Variants in GRIN2A observed in about 807,000 individuals in gnomAD.
GRIN2A encodes the protein glutamate ionotropic receptor NMDA type subunit 2A.
Under a neutral mutation model 113.4 loss-of-function variants are expected in GRIN2A, and 22 were observed. The ratio of observed to expected loss-of-function variants is 0.19; its 90% CI spans 0.14 to 0.28. GRIN2A has a LOEUF of 0.28. GRIN2A is among the 10% of genes least tolerant of loss of function. The pLI, the probability that GRIN2A is intolerant of heterozygous loss-of-function variation, is 1.00. For missense variants in GRIN2A, 1,502 were observed against 1,887.0 expected (o/e 0.80, Z 3.78); for synonymous variants, 827 against 738.4 (o/e 1.12, Z -1.94).
intron 2 of GRIN2A, among the ~76,000 whole-genome samples, chr16:10,002,249 G>A (rs1234355377): frequency 1.3e-5 from 2 of 152,326 alleles, no homozygotes; most frequent in Non-Finnish European, 2.9e-5. Context: ...TGCAAATGGT[G>A]AACTGATAGT....
At chr16:9,796,724 C>G (rs1035753791) in intron 11 of GRIN2A, among the ~76,000 whole-genome samples, 4 of 152,196 alleles carry the variant, frequency 2.6e-5, no homozygotes, top group Admixed American at 2.0e-4. Context: ...GAGACCACAC[C>G]ACTGATTCGT....
rs567142914 is a variant in GRIN2A, at chr16:10,037,768, G to A, written c.415-99217C>T. Among the ~76,000 whole-genome samples, 23 of 152,160 alleles carry A rather than the reference G, an allele frequency of 1.5e-4. No homozygotes were observed. The South Asian group carries it at 3.7e-3, about 25-fold the overall frequency. On this transcript the variant is annotated intron_variant, in intron 2 of 12. Coordinates refer to ENST00000330684, the MANE Select transcript of GRIN2A (RefSeq NM_001134407.3). ...AGCCTCCTGAGTATCTGAGACAGGC[G>A]CATGCCACCACACCCAGCTAATTTT...
chr16:10,064,243 C>T (rs2047605202), intron 2 of GRIN2A, among the ~76,000 whole-genome samples: 1 of 152,090 alleles, frequency 6.6e-6, no homozygotes. Context: ...CAAAACTAGC[C>T]ACAGCAACAT....
At chr16:10,178,492 G>C (rs2050194670) in intron 2 of GRIN2A, among the ~76,000 whole-genome samples, 1 of 152,154 alleles carries the variant, frequency 6.6e-6, no homozygotes, top group South Asian at 2.1e-4. Context: ...GAAACCCTAA[G>C]ATGCTCTCCA....
At position 10,180,236 on chromosome 16, in the gene GRIN2A, T is replaced by C; in HGVS notation, c.176A>G (p.Gln59Arg). Residue 59 changes from glutamine (Q) to arginine (R), a missense_variant, in exon 2 of 13, where the codon CAG (glutamine) becomes CGG (arginine). Transcript: ENST00000330684. This position sits in a 1 kb window ranked among gnomAD's most constrained non-coding sequence, Gnocchi z 7.0. The stretch of plus-strand genomic sequence containing the variant: ...CACGTCCAGGGGCAGCCCCGCCGCC[T>C]GCTCGGGGCCCCACAGTGTTCGAAG... ...RELRTLWGPE[Q>R]AAGLPLDVNV... 1 of 1,614,098 alleles carries C rather than the reference T, an allele frequency of 6.2e-7. No homozygotes were observed.
intron 2 of GRIN2A, among the ~76,000 whole-genome samples, chr16:9,968,487 AT>A (rs1325023505): frequency 1.3e-5 from 2 of 151,660 alleles, no homozygotes; most frequent in Admixed American, 1.3e-4. Flanking sequence ...CTAATTTTGT[AT>A]TTTTAGTAGA....
chr16:10,024,661 A>C (rs2046787234), intron 2 of GRIN2A, among the ~76,000 whole-genome samples: 1 of 152,222 alleles, frequency 6.6e-6, no homozygotes, highest in Non-Finnish European at 1.5e-5. Flanking sequence ...CTCATTTTGC[A>C]GACCCATTCA....
intron 11 of GRIN2A, among the ~76,000 whole-genome samples, chr16:9,789,439 A>G (rs927718480): frequency 2.0e-5 from 3 of 152,272 alleles, no homozygotes; most frequent in East Asian, 3.9e-4. Flanking sequence ...GACATGGAAG[A>G]ACCATGAGTT....
intron 2 of GRIN2A, among the ~76,000 whole-genome samples, chr16:10,126,071 T>G (rs1280549542): frequency 6.6e-6 from 1 of 152,152 alleles, no homozygotes; most frequent in Non-Finnish European, 1.5e-5. Context: ...CTGTTTTGCT[T>G]ACTGAATTTT....
At chr16:10,083,329 C>A (rs1009888023) in intron 2 of GRIN2A, among the ~76,000 whole-genome samples, 3 of 152,148 alleles carry the variant, frequency 2.0e-5, no homozygotes, top group African/African-American at 7.2e-5. Flanking sequence ...GTGTGTGGCC[C>A]CTGGGAGAAG....
At chr16:10,064,688 C>T (rs959986042) in intron 2 of GRIN2A, among the ~76,000 whole-genome samples, 1 of 152,240 alleles carries the variant, frequency 6.6e-6, no homozygotes, top group Non-Finnish European at 1.5e-5. Flanking sequence ...GACCCTGCTA[C>T]TAACAACCCC....
chr16:9,827,058 A>T (rs1031173211), intron 9 of GRIN2A, among the ~76,000 whole-genome samples: 3 of 143,598 alleles, frequency 2.1e-5, no homozygotes, highest in Non-Finnish European at 1.5e-5. Flanking sequence ...CTTGCACAAT[A>T]GCGCTTCATG....
chr16:9,915,579 A>T (rs2044233457), intron 3 of GRIN2A, among the ~76,000 whole-genome samples: 1 of 152,172 alleles, frequency 6.6e-6, no homozygotes, highest in African/African-American at 2.4e-5. Context: ...TTTTTTAACC[A>T]ATGGTAAGAG....
At chr16:9,977,795 G>A (rs1410861007) in intron 2 of GRIN2A, among the ~76,000 whole-genome samples, 1 of 152,142 alleles carries the variant, frequency 6.6e-6, no homozygotes, top group Non-Finnish European at 1.5e-5. Flanking sequence ...TTTCCTTGGG[G>A]AGTAGACTTT....
chr16:9,920,563 T>A (rs988155141), intron 3 of GRIN2A, among the ~76,000 whole-genome samples: 3 of 137,650 alleles, frequency 2.2e-5, no homozygotes, highest in African/African-American at 8.3e-5. Flanking sequence ...ATATGTGAAT[T>A]GAATTTTTTT....
intron 2 of GRIN2A, among the ~76,000 whole-genome samples, chr16:10,005,540 T>C (rs1158711833): frequency 6.6e-6 from 1 of 152,132 alleles, no homozygotes; most frequent in Non-Finnish European, 1.5e-5. Context: ...AGAGGTAAAC[T>C]GGGGGGGTCC....
intron 2 of GRIN2A, among the ~76,000 whole-genome samples, chr16:10,019,859 G>T (rs1393748100): frequency 1.3e-5 from 2 of 152,180 alleles, no homozygotes; most frequent in African/African-American, 4.8e-5. Flanking sequence ...TTCTGAGGAT[G>T]GTGACTACAG....
chr16:10,110,411 T>C (rs2048590330), intron 2 of GRIN2A, among the ~76,000 whole-genome samples: 1 of 152,212 alleles, frequency 6.6e-6, no homozygotes, highest in Non-Finnish European at 1.5e-5. Flanking sequence ...GGTTTTTACC[T>C]GGGGAATGTC....
chr16:10,159,211 C>T (rs570200674), intron 2 of GRIN2A, among the ~76,000 whole-genome samples: 8 of 152,268 alleles, frequency 5.3e-5, no homozygotes, highest in Admixed American at 2.0e-4. Context: ...CAATATACAT[C>T]CGTCCCTCAT....
Sources: allele counts gnomAD v4.1 joint callset (sites outside exome capture counted in the v4.1 genomes callset), GRCh38; gene constraint gnomAD v4.1.1; non-coding constraint Gnocchi (gnomAD v3.1); transcripts MANE v1.5; gene names NCBI Gene and HGNC (gene_info 2026-07-23, HGNC 2026-07-21).